The following PATJ variants were observed in gnomAD, a reference collection of about 807,000 sequenced individuals.
The protein encoded by PATJ is inaD-like protein.
A neutral mutation model predicts 224.9 loss-of-function variants in PATJ; 190 were observed. The observed-to-expected ratio is 0.84, with a 90% CI of 0.75 to 0.95. The LOEUF (loss-of-function observed/expected upper bound fraction) is 0.95. Among genes scored for constraint, PATJ ranks in the 40% least tolerant of loss-of-function variants. The pLI is 0.00. For synonymous variants in PATJ, 769 were observed against 820.3 expected, an observed-to-expected ratio of 0.94 and a Z score of 1.07; for missense variants, 2,121 against 2,270.3, an observed-to-expected ratio of 0.93 and a Z score of 1.34.
At chr1:61,811,857 C>T (rs888219097) in intron 14 of PATJ, among the ~76,000 whole-genome samples, 2 of 150,990 alleles carry the variant, frequency 1.3e-5, no homozygotes, top group African/African-American at 2.4e-5. Context: ...GTCAGGAGAT[C>T]GAGACCATCC....
intron 29 of PATJ, among the ~76,000 whole-genome samples, chr1:62,027,628 CTTTTTT>C (rs57019359): frequency 7.9e-4 from 87 of 109,826 alleles, no homozygotes; most frequent in South Asian, 3.1e-3. Context: ...GCCAACATTC[CTTTTTT>C]TTTTTTTTTT....
chr1:61,886,465 A>G (rs1161829043), intron 22 of PATJ, among the ~76,000 whole-genome samples: 1 of 152,106 alleles, frequency 6.6e-6, no homozygotes, highest in Non-Finnish European at 1.5e-5. Flanking sequence ...AGAGTTGTGT[A>G]TTGAGAATTG....
At chr1:61,895,249 A>T (rs1670194231) in intron 22 of PATJ, among the ~76,000 whole-genome samples, 1 of 152,250 alleles carries the variant, frequency 6.6e-6, no homozygotes, top group Admixed American at 6.5e-5. Flanking sequence ...CTGGGGAGGA[A>T]TTCAATCTGG....
At chr1:61,776,244 G>T (rs984267803) in intron 7 of PATJ, among the ~76,000 whole-genome samples, 4 of 152,180 alleles carry the variant, frequency 2.6e-5, no homozygotes, top group Admixed American at 6.5e-5. Context: ...TGGGCCTCTG[G>T]AGGGCTCTGA....
At chr1:61,804,417 A>G (rs952420455) in intron 12 of PATJ, among the ~76,000 whole-genome samples, 2 of 152,160 alleles carry the variant, frequency 1.3e-5, no homozygotes, top group African/African-American at 4.8e-5. Flanking sequence ...TGTTTCACTT[A>G]ATGATTTGTA....
chr1:61,949,292 A>G (rs1190535428), intron 27 of PATJ, among the ~76,000 whole-genome samples: 1 of 152,104 alleles, frequency 6.6e-6, no homozygotes, highest in East Asian at 1.9e-4. Flanking sequence ...AACTGTCCAT[A>G]AAAAACAAAT....
At chr1:62,113,651 TAAATG>T (rs1234384648) in intron 34 of PATJ, among the ~76,000 whole-genome samples, 2 of 151,804 alleles carry the variant, frequency 1.3e-5, no homozygotes, top group Admixed American at 6.6e-5. Context: ...AATAAACAAA[TAAATG>T]AGAGTGAAGA....
At chr1:61,901,204 T>C (rs1327024131) in intron 23 of PATJ, 78 bp from the exon 24 acceptor site, 5 of 783,730 alleles carry the variant, frequency 6.4e-6, no homozygotes, top group Middle Eastern at 3.1e-4. Context: ...GTCACAAGGA[T>C]ATGATGCAAA....
intron 16 of PATJ, among the ~76,000 whole-genome samples, chr1:61,832,381 A>C (rs535822118): frequency 6.6e-6 from 1 of 151,928 alleles, no homozygotes; most frequent in Non-Finnish European, 1.5e-5. Flanking sequence ...TAAACTAGCT[A>C]TTTTCCTAAT....
chr1:61,780,053 C>A (rs1647161009), intron 7 of PATJ, among the ~76,000 whole-genome samples: 1 of 152,200 alleles, frequency 6.6e-6, no homozygotes, highest in Admixed American at 6.5e-5. Flanking sequence ...TCCCACTGGG[C>A]CCCACCTCAA....
At chr1:61,757,574 C>T (rs904137066) in intron 1 of PATJ, among the ~76,000 whole-genome samples, 1 of 151,716 alleles carries the variant, frequency 6.6e-6, no homozygotes, top group African/African-American at 2.4e-5. Context: ...TATGTAGATA[C>T]AGGGCTTTGC....
chr1:61,990,407 TG>T, intron 28 of PATJ, 43 bp downstream of exon 28: 1 of 1,396,952 alleles, frequency 7.2e-7, no homozygotes, highest in Non-Finnish European at 9.8e-7. Context: ...GTGAAGTGGA[TG>T]GGTGCAGTGG....
chr1:61,913,387 T>C (rs1016303894), intron 25 of PATJ, among the ~76,000 whole-genome samples: 2 of 152,186 alleles, frequency 1.3e-5, no homozygotes, highest in African/African-American at 4.8e-5. Context: ...TTGTAAATTT[T>C]TGTAGAGATG....
intron 13 of PATJ, among the ~76,000 whole-genome samples, chr1:61,807,460 G>A (rs1190667115): frequency 6.6e-6 from 1 of 152,142 alleles, no homozygotes; most frequent in East Asian, 1.9e-4. Flanking sequence ...ACAGACATGA[G>A]CCACTGCCAG....
intron 27 of PATJ, among the ~76,000 whole-genome samples, chr1:61,951,310 T>G (rs1679638602): frequency 6.6e-6 from 1 of 152,186 alleles, no homozygotes; most frequent in African/African-American, 2.4e-5. Context: ...CTTGATATAA[T>G]TTGGATGTAT....
chr1:61,761,379 T>C (rs1645963333), intron 1 of PATJ, among the ~76,000 whole-genome samples: 1 of 152,050 alleles, frequency 6.6e-6, no homozygotes, highest in African/African-American at 2.4e-5. Flanking sequence ...CCCTTCCCAG[T>C]GTAGGGGAGG....
chr1:62,014,984 T>C (rs1410913544), intron 28 of PATJ, among the ~76,000 whole-genome samples: 1 of 152,142 alleles, frequency 6.6e-6, no homozygotes, highest in Admixed American at 6.6e-5. Context: ...AGTGGACGTA[T>C]TTTTAAATGC....
At chr1:61,820,279 C>T (rs1570702024) in intron 14 of PATJ, among the ~76,000 whole-genome samples, 1 of 152,128 alleles carries the variant, frequency 6.6e-6, no homozygotes, top group Admixed American at 6.5e-5. Flanking sequence ...CTCAGGCAAT[C>T]CACCCACATC....
At chr1:61,901,664 TAAA>T (rs1435617580) in intron 24 of PATJ, among the ~76,000 whole-genome samples, 3 of 152,170 alleles carry the variant, frequency 2.0e-5, no homozygotes, top group Non-Finnish European at 2.9e-5. Context: ...AATAAAATGA[TAAA>T]AACTTCAGCT....
Sources: allele counts gnomAD v4.1 joint callset (sites outside exome capture counted in the v4.1 genomes callset), GRCh38; gene constraint gnomAD v4.1.1; transcripts MANE v1.5; gene names NCBI Gene and HGNC (gene_info 2026-07-23, HGNC 2026-07-21).